STARD4: variants seen among roughly 807,000 people sequenced by gnomAD.
STARD4 encodes the protein stAR-related lipid transfer protein 4.
In STARD4, 33 loss-of-function variants were observed where a neutral mutation model predicts 24.9. The observed-to-expected ratio is 1.32, with a 90% confidence interval of 1.00 to 1.77. STARD4 has a LOEUF of 1.77. STARD4 is among the 40% of genes most tolerant of loss of function. The pLI, the probability that STARD4 is intolerant of heterozygous loss-of-function variation, is 0.00. For synonymous variants in STARD4, 88 were observed against 77.4 expected, an observed-to-expected ratio of 1.14 and a Z score of -0.72; for missense variants, 238 against 249.3, an observed-to-expected ratio of 0.95 and a Z score of 0.31.
In STARD4 at chr5:111,501,064, G is replaced by A. The variant is rs781430123; in HGVS notation, c.335C>T (p.Ser112Phe). ...GGAGAAATCAACAAATTCTCTTGGG[G>A]AAATTATATTCCAAAGCTGACCAGC... ...TTAGQLWNIISPREFVDFSYT... is the reference protein window; with the variant it reads ...TTAGQLWNIIFPREFVDFSYT... Residue 112 changes from serine to phenylalanine, a missense_variant, in exon 5 of 6, where the codon TCC (serine) becomes TTC (phenylalanine). Coordinates refer to ENST00000296632, the MANE Select transcript of STARD4 (RefSeq NM_139164.3). 5.0e-5 allele frequency: 81 copies of A among 1,612,324 alleles called. No individual in the cohort carries two copies. Among genetic ancestry groups the A allele is most frequent in the Non-Finnish European group, 6.8e-5 (80 of 1,179,584 alleles).
intron 3 of STARD4, chr5:111,504,993 A>C: frequency 2.2e-6 from 1 of 454,792 alleles, no homozygotes; most frequent in Non-Finnish European, 4.4e-6. Context: ...CTTTGTGTCC[A>C]ACTCAACACA....
chr5:111,500,727 T>A, intron 5 of STARD4: 2 of 1,399,354 alleles, frequency 1.4e-6, no homozygotes, highest in Non-Finnish European at 1.8e-6. Context: ...AAAATCCATT[T>A]ACTAGAACCC....
chr5:111,505,184 T>C, intron 3 of STARD4: 1 of 342,232 alleles, frequency 2.9e-6, no homozygotes, highest in Non-Finnish European at 5.7e-6. Flanking sequence ...TAGTTCTCTA[T>C]GAAGTCTTTT....
intron 4 of STARD4, among the ~76,000 whole-genome samples, chr5:111,501,759 C>CT (rs1297370268): frequency 1.3e-5 from 2 of 152,160 alleles, no homozygotes; most frequent in Non-Finnish European, 2.9e-5. Context: ...GAAACTCAGT[C>CT]TAACACTCAT....
intron 3 of STARD4, among the ~76,000 whole-genome samples, chr5:111,505,364 C>G (rs1194863331): frequency 6.6e-6 from 1 of 152,186 alleles, no homozygotes; most frequent in East Asian, 1.9e-4. Context: ...GAAATGTTAT[C>G]TTTGGCATTA....
chr5:111,502,118 G>A, intron 3 of STARD4, 30 bp from the exon 4 acceptor site: 1 of 1,599,174 alleles, frequency 6.3e-7, no homozygotes, highest in Non-Finnish European at 8.5e-7. Flanking sequence ...GTCAACCGCT[G>A]TTACAATAAA....
At chr5:111,509,630 C>T (rs184784596) in intron 1 of STARD4, among the ~76,000 whole-genome samples, 17 of 152,202 alleles carry the variant, frequency 1.1e-4, no homozygotes, top group Middle Eastern at 3.4e-3. Flanking sequence ...TATCTTCTCC[C>T]GTTTAACTGT....
At chr5:111,505,992 C>A (rs1173038718) in intron 3 of STARD4, among the ~76,000 whole-genome samples, 1 of 152,028 alleles carries the variant, frequency 6.6e-6, no homozygotes, top group East Asian at 1.9e-4. Flanking sequence ...GAGCTCAAGA[C>A]CAGCCTAGCC....
At chr5:111,500,405 A>G in intron 5 of STARD4, 1 of 1,101,100 alleles carries the variant, frequency 9.1e-7, no homozygotes, top group Non-Finnish European at 1.1e-6. Flanking sequence ...TTGAGGTGCC[A>G]AAAATCAAAT....
At chr5:111,501,863 A>G (rs936785115) in intron 4 of STARD4, 99 bp downstream of exon 4, 66 of 1,483,310 alleles carry the variant, frequency 4.4e-5, no homozygotes, top group Non-Finnish European at 5.4e-5. Context: ...AGCAATGAAT[A>G]TAAGTGTGTA....
rs1001772245 is a variant in STARD4 at position 111,499,672 on chromosome 5, G to A, written c.*214C>T. 1 of 547,722 alleles carries A rather than the reference G, an allele frequency of 1.8e-6. No homozygotes were observed. Among genetic ancestry groups the A allele is most frequent in the Non-Finnish European group, 3.2e-6 (1 of 308,076 alleles). The allele number at this position is 547,722 out of a possible 1,614,324, so 33.9% of individuals were successfully genotyped here. A position where few individuals can be genotyped will look rare whatever the true frequency, so the allele number is the denominator to read the frequency against. On this transcript the variant is annotated 3_prime_UTR_variant, in exon 6 of 6. Transcript: ENST00000296632. ...CCCTCCAGCATGGGCAACAGAGTGAGAGCCTGTCTCAAAATTTAAAAAAAA... is the reference window on the plus strand; with the variant it reads ...CCCTCCAGCATGGGCAACAGAGTGAAAGCCTGTCTCAAAATTTAAAAAAAA...
chr5:111,502,741 C>T (rs768182047), intron 3 of STARD4, among the ~76,000 whole-genome samples: 3 of 151,276 alleles, frequency 2.0e-5, no homozygotes, highest in Non-Finnish European at 4.4e-5. Context: ...TGAGGTGAGC[C>T]GAGATCACGC....
intron 1 of STARD4, among the ~76,000 whole-genome samples, chr5:111,511,579 G>C (rs1373112068): frequency 6.7e-6 from 1 of 148,802 alleles, no homozygotes; most frequent in Admixed American, 6.6e-5. Context: ...TTTACAGAAA[G>C]GGAAAATAGC....
intron 5 of STARD4, chr5:111,500,561 C>T (rs928299412): frequency 9.3e-6 from 10 of 1,073,250 alleles, no homozygotes; most frequent in Middle Eastern, 4.3e-4. Flanking sequence ...CCTATAGGTA[C>T]GTTTTAGAAA....
At chr5:111,511,456 A>G (rs1428590474) in intron 1 of STARD4, among the ~76,000 whole-genome samples, 1 of 152,232 alleles carries the variant, frequency 6.6e-6, no homozygotes, top group African/African-American at 2.4e-5. Context: ...ATTATGGTAA[A>G]GGAATTTTAG....
Position 111,507,246 on chromosome 5 carries a change from T to C in STARD4, c.105+83A>G, listed in dbSNP as rs995046896. ...ATCCAAAGTATGGTCTTTGTCCATATTGTTCCATTTAATTTTAAAAGTCAT... is the reference window on the plus strand; with the variant it reads ...ATCCAAAGTATGGTCTTTGTCCATACTGTTCCATTTAATTTTAAAAGTCAT... On this transcript the variant is annotated intron_variant, in intron 2 of 5. Coordinates refer to ENST00000296632, the MANE Select transcript of STARD4 (RefSeq NM_139164.3). The surrounding 1 kb of genome is among the most constrained non-coding windows in gnomAD (Gnocchi z 4.4). 19 of 1,101,016 alleles carry C rather than the reference T, an allele frequency of 1.7e-5. No individual in the cohort carries two copies. The highest frequency in any genetic ancestry group is 3.0e-5 in the South Asian group (2 of 66,512). 68.2% of individuals were successfully genotyped at this position (1,101,016 alleles called of 1,614,324 possible).
chr5:111,500,314 T>A, intron 5 of STARD4: 1 of 1,305,618 alleles, frequency 7.7e-7, no homozygotes, highest in Non-Finnish European at 9.7e-7. Flanking sequence ...TGGGGAAACT[T>A]TTAATCCTTT....
At position 111,507,346 on chromosome 5, in the gene STARD4, G is replaced by A. The variant is rs372698523; in HGVS notation, c.88C>T (p.Arg30Ter). 14 of 1,611,170 alleles carry A rather than the reference G, an allele frequency of 8.7e-6. No homozygotes were observed. Among genetic ancestry groups the A allele is most frequent in the Admixed American group, 3.4e-5 (2 of 59,584 alleles). ...QYHSIEEDKW[R>*]VAKKTKDVTV... ...TAATTTACCGTTTTCTTAGCAACTCGCCACTTATCTTCTTCAATGCTATGG... is the reference window on the plus strand; with the variant it reads ...TAATTTACCGTTTTCTTAGCAACTCACCACTTATCTTCTTCAATGCTATGG... The change falls in exon 2 of 6, where the codon CGA (arginine) becomes TGA (stop). Residue 30 changes from arginine (R) to a stop codon, truncating the protein, a stop_gained. Coordinates refer to ENST00000296632, the MANE Select transcript of STARD4 (RefSeq NM_139164.3). LOFTEE classifies it high-confidence loss of function. The surrounding 1 kb of genome is among the most constrained non-coding windows in gnomAD (Gnocchi z 4.4).
chr5:111,502,149 T>C, intron 3 of STARD4, 61 bp from the exon 4 acceptor site: 3 of 1,564,470 alleles, frequency 1.9e-6, no homozygotes, highest in East Asian at 4.5e-5. Flanking sequence ...CATACCCTTA[T>C]AGTGCATAGC....
Sources: allele counts gnomAD v4.1 joint callset (sites outside exome capture counted in the v4.1 genomes callset), GRCh38; gene constraint gnomAD v4.1.1; non-coding constraint Gnocchi (gnomAD v3.1); transcripts MANE v1.5; gene names NCBI Gene and HGNC (gene_info 2026-07-23, HGNC 2026-07-21).